RANBP2: variants seen among roughly 807,000 people sequenced by gnomAD.
The protein encoded by RANBP2 is E3 SUMO-protein ligase RanBP2.
A neutral mutation model predicts 303.6 loss-of-function variants in RANBP2; 57 were observed. The ratio of observed to expected loss-of-function variants is 0.19; its 90% CI spans 0.15 to 0.23. The LOEUF (loss-of-function observed/expected upper bound fraction) is 0.23. Among genes scored for constraint, RANBP2 ranks in the 10% least tolerant of loss-of-function variants. RANBP2 has a pLI of 1.00. For synonymous variants in RANBP2, 1,167 were observed against 1,301.5 expected (o/e 0.90, Z 2.23); for missense variants, 3,138 against 3,780.8 (o/e 0.83, Z 4.46).
the RANBP2 span, among the ~76,000 whole-genome samples, chr2:109,735,110 C>G: frequency 1.3e-5 from 2 of 152,156 alleles, no homozygotes; most frequent in South Asian, 4.1e-4. Flanking sequence ...CGTTTTCCTT[C>G]TATCCAGCTA....
the RANBP2 span, among the ~76,000 whole-genome samples, chr2:109,048,395 A>G: frequency 6.6e-6 from 1 of 152,214 alleles, no homozygotes; most frequent in Non-Finnish European, 1.5e-5. Context: ...CTGGAAAATT[A>G]GCTTAGGGTA....
chr2:109,059,854 A>T, the RANBP2 span, among the ~76,000 whole-genome samples: 5 of 152,072 alleles, frequency 3.3e-5, no homozygotes, highest in South Asian at 1.0e-3. Context: ...GTGGCAGACA[A>T]GAGCCACTGT....
At chr2:109,573,814 C>T in the RANBP2 span, among the ~76,000 whole-genome samples, 7 of 152,022 alleles carry the variant, frequency 4.6e-5, no homozygotes, top group Non-Finnish European at 8.8e-5. Flanking sequence ...TCTATAGCTC[C>T]CTAAATTTAT....
the RANBP2 span, among the ~76,000 whole-genome samples, chr2:109,145,361 A>C: frequency 6.6e-6 from 1 of 152,114 alleles, no homozygotes; most frequent in South Asian, 2.1e-4. Context: ...GGCCCTGCTC[A>C]TGACCCTGTG....
the RANBP2 span, among the ~76,000 whole-genome samples, chr2:109,174,290 G>C: frequency 1.3e-5 from 2 of 152,260 alleles, no homozygotes; most frequent in Admixed American, 6.5e-5. Flanking sequence ...AAGTTGCTTT[G>C]TTTTGGCAAG....
the RANBP2 span, among the ~76,000 whole-genome samples, chr2:109,406,016 G>A: frequency 5.9e-5 from 9 of 152,228 alleles, no homozygotes; most frequent in Admixed American, 5.2e-4. Context: ...GCACATCGAT[G>A]GCTGGGGAGA....
At chr2:109,300,251 G>A in the RANBP2 span, among the ~76,000 whole-genome samples, 3 of 152,150 alleles carry the variant, frequency 2.0e-5, no homozygotes, top group Non-Finnish European at 2.9e-5. Flanking sequence ...CCAGGCTGGA[G>A]TGCAGTGAAC....
chr2:108,831,700 T>TTCCTTCCTTC, the RANBP2 span, among the ~76,000 whole-genome samples: 8 of 145,260 alleles, frequency 5.5e-5, no homozygotes, highest in African/African-American at 1.6e-4. Context: ...TGGCACAGAA[T>TTCCTTCCTTC]CTTCCTTCCT....
the RANBP2 span, among the ~76,000 whole-genome samples, chr2:109,001,264 AGAATCAG>A: frequency 0.033 from 5,071 of 152,284 alleles, 304 homozygotes; most frequent in African/African-American, 0.11. Flanking sequence ...AATCACAGAA[AGAATCAG>A]GACCCTCAGC....
At chr2:108,797,572 G>A in the RANBP2 span, among the ~76,000 whole-genome samples, 2 of 152,090 alleles carry the variant, frequency 1.3e-5, no homozygotes, top group Non-Finnish European at 2.9e-5. Flanking sequence ...TAGTTCAGAT[G>A]GGGTGGGAGA....
chr2:108,858,642 A>T, the RANBP2 span, among the ~76,000 whole-genome samples: 1 of 151,958 alleles, frequency 6.6e-6, no homozygotes, highest in East Asian at 1.9e-4. Flanking sequence ...TCATTTTTCT[A>T]GGTTTGAGAT....
At chr2:108,934,464 A>G in the RANBP2 span, among the ~76,000 whole-genome samples, 2 of 152,204 alleles carry the variant, frequency 1.3e-5, no homozygotes, top group African/African-American at 4.8e-5. Flanking sequence ...CCTCGTGCAC[A>G]CTGAGCTCCC....
the RANBP2 span, chr2:109,129,468 G>C: frequency 6.7e-7 from 1 of 1,494,568 alleles, no homozygotes; most frequent in Non-Finnish European, 8.9e-7. Context: ...CCTGATGCTG[G>C]CTGCCGGTGG....
the RANBP2 span, among the ~76,000 whole-genome samples, chr2:109,037,339 AAAAAAAGAAC>A: frequency 4.0e-5 from 6 of 151,384 alleles, no homozygotes; most frequent in East Asian, 5.8e-4. Flanking sequence ...AAAAAAAAAA[AAAAAAAGAAC>A]CAAATACTTA....
chr2:109,585,756 A>G, the RANBP2 span: 1 of 1,612,972 alleles, frequency 6.2e-7, no homozygotes, highest in Non-Finnish European at 8.5e-7. Context: ...ACCTTGCTGA[A>G]TGGATCTGTT....
At chr2:109,052,365 A>G in the RANBP2 span, among the ~76,000 whole-genome samples, 2 of 152,240 alleles carry the variant, frequency 1.3e-5, no homozygotes, top group Non-Finnish European at 2.9e-5. Flanking sequence ...TTGCAACATT[A>G]TGCCTATATA....
At chr2:109,545,478 G>C in the RANBP2 span, 1 of 1,536,010 alleles carries the variant, frequency 6.5e-7, no homozygotes, top group Non-Finnish European at 8.7e-7. Context: ...GCGTCTTTAC[G>C]TCCACCATTG....
At chr2:109,693,153 A>C in the RANBP2 span, among the ~76,000 whole-genome samples, 1 of 151,714 alleles carries the variant, frequency 6.6e-6, no homozygotes, top group African/African-American at 2.4e-5. Context: ...GCTTGATAAA[A>C]TCTTGGTCTC....
chr2:108,932,528 CAA>C, the RANBP2 span, among the ~76,000 whole-genome samples: 47 of 39,136 alleles, frequency 1.2e-3, no homozygotes, highest in African/African-American at 4.6e-3. Context: ...GACTCTGTCT[CAA>C]AAAAAAAAAA....
Sources: allele counts gnomAD v4.1 joint callset (sites outside exome capture counted in the v4.1 genomes callset), GRCh38; gene constraint gnomAD v4.1.1; transcripts MANE v1.5; gene names NCBI Gene and HGNC (gene_info 2026-07-23, HGNC 2026-07-21).